SOX5: variants seen among roughly 807,000 people sequenced by gnomAD.
SOX5 encodes transcription factor SOX-5.
Under a neutral mutation model 92.0 loss-of-function variants are expected in SOX5, and 9 were observed. The observed-to-expected ratio is 0.10, with a 90% CI of 0.06 to 0.17. The LOEUF is 0.17. Ranked by LOEUF, SOX5 falls within the 10% of genes least tolerant of loss-of-function variation. The pLI is 1.00. For missense variants in SOX5, 642 were observed against 944.5 expected, an observed-to-expected ratio of 0.68 and a Z score of 4.20; for synonymous variants, 344 against 336.3, an observed-to-expected ratio of 1.02 and a Z score of -0.25.
intron 1 of SOX5, among the ~76,000 whole-genome samples, chr12:24,398,709 G>T (rs973314230): frequency 6.6e-6 from 1 of 152,208 alleles, no homozygotes; most frequent in African/African-American, 2.4e-5. Flanking sequence ...CCTGACAGGA[G>T]AGAACTTCTG....
At chr12:23,537,438 A>C (rs1940790375) in intron 13 of SOX5, among the ~76,000 whole-genome samples, 1 of 152,226 alleles carries the variant, frequency 6.6e-6, no homozygotes, top group Non-Finnish European at 1.5e-5. Flanking sequence ...GATATAACTT[A>C]AATTGTGCTA....
intron 4 of SOX5, among the ~76,000 whole-genome samples, chr12:24,126,866 T>C (rs1812423685): frequency 6.6e-6 from 1 of 152,102 alleles, no homozygotes; most frequent in Non-Finnish European, 1.5e-5. Context: ...CACACAAATG[T>C]CTCCCTATAT....
intron 4 of SOX5, among the ~76,000 whole-genome samples, chr12:24,061,691 T>A (rs567388011): frequency 6.6e-6 from 1 of 150,558 alleles, no homozygotes; most frequent in Non-Finnish European, 1.5e-5. Context: ...TAGTCATAAC[T>A]GAATCACTTA....
intron 3 of SOX5, among the ~76,000 whole-genome samples, chr12:24,247,022 C>T (rs960391933): frequency 6.6e-6 from 1 of 152,092 alleles, no homozygotes; most frequent in Non-Finnish European, 1.5e-5. Context: ...CAAAAGCAAG[C>T]CTGTTTCTTA....
chr12:23,817,134 T>C lies in SOX5; in HGVS notation c.481+28849A>G, dbSNP rs116617312. On this transcript the variant is annotated intron_variant, in intron 3 of 14. Coordinates refer to ENST00000451604, the MANE Select transcript of SOX5 (RefSeq NM_006940.6). ...TACAGTTACAGAGCAAATAGCATTTTAATGAATTTTGGCTAAGCATATATG... is the reference window on the plus strand; with the variant it reads ...TACAGTTACAGAGCAAATAGCATTTCAATGAATTTTGGCTAAGCATATATG... Among the ~76,000 whole-genome samples, 318 of 152,372 alleles carry C rather than the reference T, an allele frequency of 2.1e-3. 2 individuals are homozygous for C. Among genetic ancestry groups the C allele is most frequent in the African/African-American group, 7.1e-3 (294 of 41,588 alleles).
chr12:23,882,112 C>T (rs1024388005), intron 2 of SOX5, among the ~76,000 whole-genome samples: 13 of 152,064 alleles, frequency 8.5e-5, no homozygotes, highest in Non-Finnish European at 1.6e-4. Context: ...CAGTTTGAGA[C>T]GCAACATGTC....
At chr12:24,129,855 G>A (rs780322996) in intron 4 of SOX5, among the ~76,000 whole-genome samples, 24 of 152,168 alleles carry the variant, frequency 1.6e-4, no homozygotes, top group African/African-American at 5.5e-4. Context: ...AAAAGCCAAC[G>A]TTAGAGTTTT....
intron 1 of SOX5, among the ~76,000 whole-genome samples, chr12:24,524,557 G>T (rs920400712): frequency 6.6e-6 from 1 of 151,934 alleles, no homozygotes; most frequent in Non-Finnish European, 1.5e-5. Context: ...AAATATACAG[G>T]TATATGAAAA....
intron 4 of SOX5, among the ~76,000 whole-genome samples, chr12:24,102,131 C>G (rs912087240): frequency 1.3e-5 from 2 of 152,138 alleles, no homozygotes; most frequent in South Asian, 2.1e-4. Flanking sequence ...TAGTCAGGCA[C>G]AGTTAGTACA....
At chr12:23,658,661 A>G (rs1453504394) in intron 7 of SOX5, among the ~76,000 whole-genome samples, 1 of 152,084 alleles carries the variant, frequency 6.6e-6, no homozygotes, top group Admixed American at 6.6e-5. Flanking sequence ...GGAGGCCAAG[A>G]TGGGTGGATC....
chr12:23,947,403 T>C (rs113452668), intron 1 of SOX5, among the ~76,000 whole-genome samples: 248 of 152,018 alleles, frequency 1.6e-3, no homozygotes, highest in Non-Finnish European at 2.9e-3. Flanking sequence ...AATACCTCCT[T>C]TGAAGAATAT....
intron 9 of SOX5, among the ~76,000 whole-genome samples, chr12:23,602,450 T>A (rs2074632314): frequency 6.6e-6 from 1 of 152,126 alleles, no homozygotes; most frequent in Non-Finnish European, 1.5e-5. Flanking sequence ...AGTAGATGCA[T>A]AAATGGATGA....
chr12:23,773,121 A>G (rs1456363355), intron 3 of SOX5, among the ~76,000 whole-genome samples: 3 of 152,184 alleles, frequency 2.0e-5, no homozygotes, highest in African/African-American at 7.2e-5. Flanking sequence ...TCTGAATTCC[A>G]TCATCTTTTA....
rs950063952 is a variant in SOX5, at chr12:23,725,335, C to T, written c.810+9349G>A. 4.6e-5 allele frequency among the ~76,000 whole-genome samples: 7 copies of T among 152,026 alleles called. No homozygotes were observed. The South Asian group carries it at 8.3e-4, about 18-fold the overall frequency. On this transcript the variant is annotated intron_variant, in intron 6 of 14. Transcript: ENST00000451604. ...GGCTGGGGAGGTCACACAATCATGGCGGAGATGAAGGAAGAGCAATGGGAC... is the reference window on the plus strand; with the variant it reads ...GGCTGGGGAGGTCACACAATCATGGTGGAGATGAAGGAAGAGCAATGGGAC...
At chr12:24,539,146 A>C (rs766149164) in intron 1 of SOX5, among the ~76,000 whole-genome samples, 4 of 152,182 alleles carry the variant, frequency 2.6e-5, no homozygotes, top group Admixed American at 6.5e-5. Flanking sequence ...AATTTCATTA[A>C]TATAAACCAA....
At chr12:23,990,029 T>C (rs567637864) in intron 4 of SOX5, among the ~76,000 whole-genome samples, 2 of 150,430 alleles carry the variant, frequency 1.3e-5, no homozygotes, top group Non-Finnish European at 3.0e-5. Flanking sequence ...TTAACCACAA[T>C]ATAATTCTAA....
At chr12:24,418,143 T>C (rs1965338809) in intron 1 of SOX5, among the ~76,000 whole-genome samples, 1 of 152,122 alleles carries the variant, frequency 6.6e-6, no homozygotes, top group Admixed American at 6.5e-5. Context: ...TTTACTCACG[T>C]GCTACAGCCA....
rs561778836 is a variant in SOX5, at chr12:23,792,494, A to C, written c.482-36770T>G. On this transcript the variant is annotated intron_variant, in intron 3 of 14. Transcript: ENST00000451604. ...AAAAATTAGCTGGGTGTGGTGGTGC[A>C]TGCCTGTAATCCCAGCTATGCAGGA... Among the ~76,000 whole-genome samples the C allele has an allele frequency of 3.3e-5, 5 of 151,492 alleles. No homozygotes were observed. In the East Asian group the frequency reaches 5.8e-4, roughly 18 times the overall value.
chr12:24,105,352 C>T (rs903792056), intron 4 of SOX5, among the ~76,000 whole-genome samples: 3 of 152,060 alleles, frequency 2.0e-5, no homozygotes, highest in Middle Eastern at 6.3e-3. Context: ...ACAAGCCTGG[C>T]CAACATGGTG....
Sources: gnomAD v4.1 joint callset for allele counts (sites outside exome capture counted in the v4.1 genomes callset) on GRCh38, gnomAD v4.1.1 for gene constraint, MANE v1.5 for transcripts, NCBI Gene and HGNC (gene_info 2026-07-23, HGNC 2026-07-21) for gene names.